GPRC6A: variants seen among roughly 807,000 people sequenced by gnomAD.
The protein encoded by GPRC6A is G protein-coupled receptor class C group 6 member A.
In GPRC6A, 54 loss-of-function variants were observed where a neutral mutation model predicts 47.0. The ratio of observed to expected loss-of-function variants is 1.15; its 90% CI spans 0.92 to 1.44. The LOEUF (loss-of-function observed/expected upper bound fraction) is 1.44. Ranked by LOEUF, GPRC6A falls within the 40% of genes most tolerant of loss-of-function variation. The pLI is 0.00. For missense variants in GPRC6A, 1,112 were observed against 1,105.5 expected (o/e 1.01, Z -0.08); for synonymous variants, 347 against 377.1 (o/e 0.92, Z 0.93).
At chr6:116,821,696 G>T (rs1275689982) in intron 1 of GPRC6A, among the ~76,000 whole-genome samples, 53 of 150,534 alleles carry the variant, frequency 3.5e-4, no homozygotes, top group African/African-American at 1.1e-3. Flanking sequence ...TTACACCTTA[G>T]ACAAAAATCA....
At position 116,809,447 on chromosome 6, in the gene GPRC6A, C is replaced by T. The variant is rs746527863; in HGVS notation, c.365G>A (p.Cys122Tyr). ...ATLRFLSKFN[C>Y]SRETVEFKCD... ...CTTAAACTCCACAGTTTCTCTGGAG[C>T]AGTTGAATTTAGAAAGAAACCTCAG... The change falls in exon 2 of 6, where the codon TGC (cysteine) becomes TAC (tyrosine). Residue 122 changes from cysteine to tyrosine, a missense_variant. By Grantham distance (194) the Cys-to-Tyr change is radical (BLOSUM62 -2). Transcript: ENST00000310357. 7 of 1,613,728 alleles carry T rather than the reference C, an allele frequency of 4.3e-6. No homozygotes were observed. Among genetic ancestry groups the T allele is most frequent in the Non-Finnish European group, 5.9e-6 (7 of 1,179,808 alleles).
At chr6:116,821,890 C>G (rs1016174835) in intron 1 of GPRC6A, among the ~76,000 whole-genome samples, 2 of 150,244 alleles carry the variant, frequency 1.3e-5, no homozygotes, top group Non-Finnish European at 3.0e-5. Context: ...AGCTTCTGCA[C>G]AGCAAAAGAA....
At chr6:116,812,110 C>G (rs1041758308) in intron 1 of GPRC6A, among the ~76,000 whole-genome samples, 2 of 152,056 alleles carry the variant, frequency 1.3e-5, no homozygotes, top group East Asian at 1.9e-4. Context: ...AGAGAGAATT[C>G]TAAAAACAGT....
Position 116,806,770 on chromosome 6 carries a change from G to C in GPRC6A, c.935C>G (p.Thr312Ser). 1.9e-6 allele frequency: 3 copies of C among 1,613,544 alleles called. No homozygotes were observed. Among genetic ancestry groups the C allele is most frequent in the Non-Finnish European group, 2.5e-6 (3 of 1,179,702 alleles). The change falls in exon 3 of 6, where the codon ACC (threonine) becomes AGC (serine). Residue 312 changes from threonine (T) to serine (S), a missense_variant. Physicochemically the swap from Thr to Ser is moderately conservative, Grantham distance 58. Transcript: ENST00000310357. ...SDNWSTATKI[T>S]TIPNVKKIGK... ...AATCTTTTTAACATTAGGAATGGTGGTAATCTTGGTGGCAGTTGACCAATT... is the reference window on the plus strand; with the variant it reads ...AATCTTTTTAACATTAGGAATGGTGCTAATCTTGGTGGCAGTTGACCAATT...
chr6:116,808,185 T>C (rs989338237), intron 2 of GPRC6A, among the ~76,000 whole-genome samples: 19 of 152,222 alleles, frequency 1.2e-4, no homozygotes, highest in African/African-American at 4.3e-4. Context: ...TGCGAGCACA[T>C]GGTGGACTTT....
rs558765077 is a variant in GPRC6A at position 116,825,941 on chromosome 6, T to C, written c.194+2879A>G. Among the ~76,000 whole-genome samples the C allele has an allele frequency of 3.3e-5, 5 of 151,862 alleles. No individual in the cohort carries two copies. In the East Asian group the frequency reaches 9.7e-4, roughly 29 times the overall value. Reference sequence around the variant, plus strand: ...TTTGACAAAGGAGCCAAGAACCTATTCAGGGGAAAGGACTTCAATAAATCG... The same window carrying C: ...TTTGACAAAGGAGCCAAGAACCTATCCAGGGGAAAGGACTTCAATAAATCG... On this transcript the variant is annotated intron_variant, in intron 1 of 5. Transcript: ENST00000310357.
intron 4 of GPRC6A, 42 bp downstream of exon 4, chr6:116,800,542 C>T (rs763866243): frequency 3.2e-6 from 4 of 1,267,136 alleles, no homozygotes; most frequent in Non-Finnish European, 4.6e-6. Flanking sequence ...GTTGAGGTAC[C>T]AATTGCTTTG....
chr6:116,813,791 C>G (rs1370264551), intron 1 of GPRC6A, among the ~76,000 whole-genome samples: 2 of 152,074 alleles, frequency 1.3e-5, no homozygotes, highest in Non-Finnish European at 2.9e-5. Flanking sequence ...TTCTGCATGG[C>G]AAAAGAAACT....
intron 3 of GPRC6A, among the ~76,000 whole-genome samples, chr6:116,804,963 T>C (rs1772792219): frequency 6.6e-6 from 1 of 152,034 alleles, no homozygotes; most frequent in Non-Finnish European, 1.5e-5. Context: ...ATTTTAAAAA[T>C]TAAAACAGTT....
At chr6:116,811,423 G>A (rs1773021166) in intron 1 of GPRC6A, among the ~76,000 whole-genome samples, 1 of 151,846 alleles carries the variant, frequency 6.6e-6, no homozygotes, top group Non-Finnish European at 1.5e-5. Context: ...TTTAAAGGAA[G>A]ATATACTATC....
At chr6:116,817,006 C>T (rs1002902219) in intron 1 of GPRC6A, among the ~76,000 whole-genome samples, 4 of 152,152 alleles carry the variant, frequency 2.6e-5, no homozygotes, top group African/African-American at 4.8e-5. Context: ...ACAAAGCAGC[C>T]GGGAAGCTTG....
intron 1 of GPRC6A, among the ~76,000 whole-genome samples, chr6:116,816,384 C>A (rs1251399055): frequency 6.6e-6 from 1 of 152,252 alleles, no homozygotes. Flanking sequence ...GCAGCGCAAT[C>A]ATTACATCTT....
At chr6:116,818,726 A>T (rs145386286) in intron 1 of GPRC6A, among the ~76,000 whole-genome samples, 1,671 of 151,836 alleles carry the variant, frequency 0.011, 28 homozygotes, top group Admixed American at 0.039. Context: ...ATGGAAGGGA[A>T]CAATGGGTAC....
Position 116,793,187 on chromosome 6 carries a change from C to G in GPRC6A, c.1736G>C (p.Cys579Ser), listed in dbSNP as rs1772373476. The G allele has an allele frequency of 6.2e-7, 1 of 1,612,344 alleles. No individual in the cohort carries two copies. Among genetic ancestry groups the G allele is most frequent in the African/African-American group, 1.3e-5 (1 of 74,868 alleles). Residue 579 changes from cysteine (C) to serine (S), a missense_variant, in exon 6 of 6, where the codon TGC (cysteine) becomes TCC (serine). By Grantham distance (112) the Cys-to-Ser change is moderately radical (BLOSUM62 -1). Transcript: ENST00000310357. Reference protein sequence around the residue: ...THWAPVRSTMCFEKEVEYLNW... With the variant: ...THWAPVRSTMSFEKEVEYLNW... ...GAGATATTCCACTTCCTTTTCAAAGCACATAGTGCTCCTAACAGGGGCCCA... is the reference window on the plus strand; with the variant it reads ...GAGATATTCCACTTCCTTTTCAAAGGACATAGTGCTCCTAACAGGGGCCCA...
At chr6:116,822,891 T>TAAAAAAA (rs757893318) in intron 1 of GPRC6A, among the ~76,000 whole-genome samples, 2 of 117,506 alleles carry the variant, frequency 1.7e-5, no homozygotes, top group Admixed American at 1.8e-4. Context: ...TACTAGTCTC[T>TAAAAAAA]AAAAAAAAAA....
In GPRC6A at chr6:116,829,068, G is replaced by A. The variant is rs1024108171; in HGVS notation, c.-55C>T. Reference sequence around the variant, plus strand: ...AGTTCTTAGGAATCATTAAGTGCACGGAGTGCCAGCAAGATTCCTATTTCA... The same window carrying A: ...AGTTCTTAGGAATCATTAAGTGCACAGAGTGCCAGCAAGATTCCTATTTCA... On this transcript the variant is annotated 5_prime_UTR_variant, in exon 1 of 6. Coordinates refer to ENST00000310357, the MANE Select transcript of GPRC6A (RefSeq NM_148963.4). The A allele has an allele frequency of 1.2e-5, 18 of 1,546,096 alleles. No homozygotes were observed. The highest frequency in any genetic ancestry group is 3.6e-4 in the Middle Eastern group (2 of 5,500).
At chr6:116,809,015 T>A (rs1772940240) in intron 2 of GPRC6A, among the ~76,000 whole-genome samples, 1 of 152,196 alleles carries the variant, frequency 6.6e-6, no homozygotes, top group African/African-American at 2.4e-5. Context: ...AAGCATCTCT[T>A]ACTATGTTTC....
chr6:116,814,827 C>A (rs1009556817), intron 1 of GPRC6A, among the ~76,000 whole-genome samples: 3 of 151,976 alleles, frequency 2.0e-5, no homozygotes, highest in African/African-American at 2.4e-5. Flanking sequence ...ATGCAACTTA[C>A]AAGAAATGCA....
chr6:116,828,641 A>G (rs368082405), intron 1 of GPRC6A, among the ~76,000 whole-genome samples, 179 bp downstream of exon 1: 1 of 152,128 alleles, frequency 6.6e-6, no homozygotes, highest in Non-Finnish European at 1.5e-5. Flanking sequence ...TTCATTATAC[A>G]TAGAGGGCTG....
Sources: allele counts gnomAD v4.1 joint callset (sites outside exome capture counted in the v4.1 genomes callset), GRCh38; gene constraint gnomAD v4.1.1; transcripts MANE v1.5; gene names NCBI Gene and HGNC (gene_info 2026-07-23, HGNC 2026-07-21).